Variants in FGF12 observed in about 807,000 individuals in gnomAD.
The protein encoded by FGF12 is fibroblast growth factor 12B.
Under a neutral mutation model 23.6 loss-of-function variants are expected in FGF12, and 14 were observed. That is an observed-to-expected ratio of 0.59 (90% CI 0.39 to 0.93). FGF12 has a LOEUF of 0.93. Among genes scored for constraint, FGF12 ranks in the 40% least tolerant of loss-of-function variants. The probability of loss-of-function intolerance (pLI) is 0.00; values close to 1 mark genes in which losing one functional copy is unlikely to be tolerated. For missense variants in FGF12, 175 were observed against 217.8 expected (o/e 0.80, Z 1.24); for synonymous variants, 62 against 77.3 (o/e 0.80, Z 1.04).
intron 2 of FGF12, among the ~76,000 whole-genome samples, chr3:192,389,578 G>A (rs892148200): frequency 6.6e-6 from 1 of 152,104 alleles, no homozygotes; most frequent in Middle Eastern, 3.2e-3. Flanking sequence ...GAAGCAAAAA[G>A]CAAACAAAAA....
At chr3:192,666,160 A>G (rs529421107) in intron 2 of FGF12, among the ~76,000 whole-genome samples, 1 of 152,348 alleles carries the variant, frequency 6.6e-6, no homozygotes, top group East Asian at 1.9e-4. Context: ...AACATTAAAA[A>G]GTCATTTAAT....
chr3:192,307,265 C>G (rs1715694249), intron 4 of FGF12, among the ~76,000 whole-genome samples: 1 of 151,930 alleles, frequency 6.6e-6, no homozygotes, highest in Admixed American at 6.6e-5. Flanking sequence ...GAACATTAAC[C>G]ATGTGTTAAG....
chr3:192,576,190 T>G (rs1473482987), intron 2 of FGF12, among the ~76,000 whole-genome samples: 1 of 152,190 alleles, frequency 6.6e-6, no homozygotes, highest in African/African-American at 2.4e-5. Flanking sequence ...TAATGAATGT[T>G]GCCTTTGGGT....
In FGF12 at chr3:192,637,997, T is replaced by C. The variant is rs6765889; in HGVS notation, c.13+89184A>G. On this transcript the variant is annotated intron_variant, in intron 2 of 5. Coordinates refer to ENST00000445105, the MANE Select transcript of FGF12 (RefSeq NM_004113.6). ...CTTGCCTCCAGGCCAGTGTTCTTTC[T>C]ATTCATATTATAACATGCTGGCTGG... Among the ~76,000 whole-genome samples the C allele has an allele frequency of 9.0e-4, 137 of 152,356 alleles. 1 individual carries two copies. In the East Asian group the frequency reaches 0.018, roughly 20 times the overall value.
intron 2 of FGF12, among the ~76,000 whole-genome samples, chr3:192,594,411 T>A (rs923768939): frequency 1.3e-5 from 2 of 151,824 alleles, no homozygotes; most frequent in Non-Finnish European, 2.9e-5. Flanking sequence ...ACTTGCTTGT[T>A]AAGAAAAAAT....
chr3:192,549,560 G>A (rs1002347647), intron 2 of FGF12, among the ~76,000 whole-genome samples: 3 of 152,176 alleles, frequency 2.0e-5, no homozygotes, highest in Non-Finnish European at 4.4e-5. Context: ...GTCTACTTGA[G>A]TGAGCCACAG....
At chr3:192,278,179 A>AT (rs1474760210) in intron 4 of FGF12, among the ~76,000 whole-genome samples, 2 of 152,342 alleles carry the variant, frequency 1.3e-5, no homozygotes, top group South Asian at 2.1e-4. Context: ...ATGTAACAGG[A>AT]TTTTTTTAAA....
chr3:192,550,373 A>T (rs1169502838), intron 2 of FGF12, among the ~76,000 whole-genome samples: 2 of 149,780 alleles, frequency 1.3e-5, no homozygotes, highest in African/African-American at 2.4e-5. Context: ...ATATGTGTGT[A>T]TACATAATAT....
At chr3:192,723,965 G>T (rs1719124931) in intron 2 of FGF12, among the ~76,000 whole-genome samples, 1 of 119,758 alleles carries the variant, frequency 8.4e-6, no homozygotes, top group Non-Finnish European at 1.8e-5. Context: ...AGGAGAGGAA[G>T]GAGGGGAGGG....
At chr3:192,213,446 CATTTT>C (rs1718036993) in intron 4 of FGF12, among the ~76,000 whole-genome samples, 1 of 152,168 alleles carries the variant, frequency 6.6e-6, no homozygotes, top group Non-Finnish European at 1.5e-5. Context: ...ATGCTCATAT[CATTTT>C]ATTTTCTCAT....
At chr3:192,469,432 G>A (rs867301613) in intron 2 of FGF12, among the ~76,000 whole-genome samples, 15 of 152,212 alleles carry the variant, frequency 9.9e-5, no homozygotes, top group African/African-American at 3.4e-4. Context: ...TCAAATACCA[G>A]AGGGCTCATG....
intron 4 of FGF12, among the ~76,000 whole-genome samples, chr3:192,217,962 G>C (rs1443849869): frequency 6.6e-6 from 1 of 151,588 alleles, no homozygotes; most frequent in Non-Finnish European, 1.5e-5. Context: ...TCATCCTCCC[G>C]AGTAGCTGGG....
At chr3:192,263,597 G>A (rs1251719607) in intron 4 of FGF12, among the ~76,000 whole-genome samples, 3 of 150,644 alleles carry the variant, frequency 2.0e-5, no homozygotes, top group South Asian at 2.1e-4. Context: ...AATTAAATAC[G>A]CATATGAGTC....
At chr3:192,337,972 A>G (rs1472487481) in intron 3 of FGF12, among the ~76,000 whole-genome samples, 1 of 152,192 alleles carries the variant, frequency 6.6e-6, no homozygotes, top group African/African-American at 2.4e-5. Flanking sequence ...TTGATCCTCA[A>G]CCATAAATGC....
intron 2 of FGF12, among the ~76,000 whole-genome samples, chr3:192,456,494 GA>G (rs1228693647): frequency 1.3e-5 from 2 of 151,978 alleles, no homozygotes; most frequent in Non-Finnish European, 2.9e-5. Context: ...GCTTATTGTA[GA>G]AAAAAATTGA....
chr3:192,518,812 A>G (rs1476218016), intron 2 of FGF12, among the ~76,000 whole-genome samples: 1 of 152,168 alleles, frequency 6.6e-6, no homozygotes, highest in Non-Finnish European at 1.5e-5. Context: ...CTGTTTTTAA[A>G]AAAGCAAACA....
chr3:192,433,992 C>T (rs769163790), intron 2 of FGF12, among the ~76,000 whole-genome samples: 1 of 152,158 alleles, frequency 6.6e-6, no homozygotes, highest in Non-Finnish European at 1.5e-5. Context: ...CTACCAAAAC[C>T]AAGCTAAATG....
At chr3:192,220,284 C>A (rs1353061300) in intron 4 of FGF12, among the ~76,000 whole-genome samples, 1 of 152,126 alleles carries the variant, frequency 6.6e-6, no homozygotes, top group Non-Finnish European at 1.5e-5. Flanking sequence ...CATGACCTGG[C>A]TCCTCCTTGC....
chr3:192,688,171 A>T (rs1717823651), intron 2 of FGF12, among the ~76,000 whole-genome samples: 1 of 152,002 alleles, frequency 6.6e-6, no homozygotes, highest in Non-Finnish European at 1.5e-5. Context: ...GCCATAGCAG[A>T]CCTCACACAG....
Sources: gnomAD v4.1 joint callset for allele counts (sites outside exome capture counted in the v4.1 genomes callset) on GRCh38, gnomAD v4.1.1 for gene constraint, MANE v1.5 for transcripts, NCBI Gene and HGNC (gene_info 2026-07-23, HGNC 2026-07-21) for gene names.